Variants in MARCHF1 observed in about 807,000 individuals in gnomAD.
The protein encoded by MARCHF1 is E3 ubiquitin-protein ligase MARCHF1.
Under a neutral mutation model 54.2 loss-of-function variants are expected in MARCHF1, and 40 were observed. The ratio of observed to expected loss-of-function variants is 0.74; its 90% CI spans 0.57 to 0.96. MARCHF1 has a LOEUF of 0.96. Ranked by LOEUF, MARCHF1 falls within the 40% of genes least tolerant of loss-of-function variation. The probability of loss-of-function intolerance (pLI) is 0.00; values close to 1 mark genes in which losing one functional copy is unlikely to be tolerated. For missense variants in MARCHF1, 586 were observed against 656.5 expected, an observed-to-expected ratio of 0.89 and a Z score of 1.17; for synonymous variants, 236 against 236.3, an observed-to-expected ratio of 1.00 and a Z score of 0.01.
intron 3 of MARCHF1, among the ~76,000 whole-genome samples, chr4:163,968,331 G>A (rs1373348199): frequency 6.6e-6 from 1 of 151,972 alleles, no homozygotes; most frequent in Non-Finnish European, 1.5e-5. Context: ...ACATAGGCAG[G>A]GCAAAATACA....
intron 1 of MARCHF1, among the ~76,000 whole-genome samples, chr4:164,131,659 G>A (rs1756303728): frequency 6.6e-6 from 1 of 152,078 alleles, no homozygotes; most frequent in Non-Finnish European, 1.5e-5. Flanking sequence ...TTAAGGAGAA[G>A]AGCAAATCTT....
chr4:163,858,094 C>T (rs1045008366), intron 3 of MARCHF1, among the ~76,000 whole-genome samples: 2 of 3,884 alleles, frequency 5.1e-4, no homozygotes, highest in Non-Finnish European at 9.2e-4. Flanking sequence ...TGCACAACTC[C>T]GGGGGGTGGG....
chr4:163,556,994 C>T (rs1166388998), intron 8 of MARCHF1, among the ~76,000 whole-genome samples: 6 of 151,408 alleles, frequency 4.0e-5, no homozygotes, highest in Admixed American at 6.6e-5. Flanking sequence ...CCATGATTTT[C>T]AATGGATTCT....
At chr4:164,353,907 A>T in intron 1 of MARCHF1, among the ~76,000 whole-genome samples, 1 of 122,618 alleles carries the variant, frequency 8.2e-6, no homozygotes, top group South Asian at 3.0e-4. Flanking sequence ...TCAAATAGAC[A>T]CAATAAAAAA....
At chr4:163,566,160 C>A (rs1489998171) in intron 8 of MARCHF1, among the ~76,000 whole-genome samples, 1 of 152,276 alleles carries the variant, frequency 6.6e-6, no homozygotes, top group South Asian at 2.1e-4. Flanking sequence ...ATAAAGGATT[C>A]TTTTAAGGTA....
At position 163,524,794 on chromosome 4, in the gene MARCHF1, C is replaced by T. The variant is rs1395570713; in HGVS notation, c.*3954G>A. The T allele has an allele frequency of 6.6e-6, 1 of 152,084 alleles. No homozygotes were observed. The highest frequency in any genetic ancestry group is 1.5e-5 in the Non-Finnish European group (1 of 68,012). 9.4% of individuals were successfully genotyped at this position (152,084 alleles called of 1,614,324 possible). ...TTCTTTTTCTTAATTTGCTTTAGTA[C>T]ACATGATTCACAAAACAGTAAATTG... is the stretch of plus-strand genomic sequence containing the variant. On this transcript the variant is annotated 3_prime_UTR_variant, in exon 10 of 10. Transcript: ENST00000514618.
chr4:164,107,559 C>T (rs1475715333), intron 2 of MARCHF1, among the ~76,000 whole-genome samples: 2 of 152,062 alleles, frequency 1.3e-5, no homozygotes, highest in South Asian at 2.1e-4. Context: ...AACAGGGTTT[C>T]ACCATGTTGC....
chr4:164,189,585 G>T (rs973947020), intron 1 of MARCHF1: 3 of 942,640 alleles, frequency 3.2e-6, no homozygotes, highest in African/African-American at 1.6e-5. Context: ...AGGCTGGAGT[G>T]CTCTCTGGTG....
chr4:163,983,724 T>C (rs1205077866), intron 3 of MARCHF1, among the ~76,000 whole-genome samples: 3 of 152,274 alleles, frequency 2.0e-5, no homozygotes, highest in South Asian at 2.1e-4. Context: ...TTATTCTCTA[T>C]GGACTTCAAT....
chr4:163,901,554 T>C (rs575552866), intron 3 of MARCHF1, among the ~76,000 whole-genome samples: 5 of 152,188 alleles, frequency 3.3e-5, no homozygotes, highest in Non-Finnish European at 7.3e-5. Flanking sequence ...GGCAGCACAC[T>C]TACTGCACAC....
chr4:164,000,578 A>G (rs1332971437), intron 2 of MARCHF1, among the ~76,000 whole-genome samples: 2 of 151,714 alleles, frequency 1.3e-5, no homozygotes, highest in African/African-American at 4.8e-5. Context: ...TATTTGGGTT[A>G]GAACATTTGC....
At position 163,915,145 on chromosome 4, in the gene MARCHF1, G is replaced by A. The variant is rs907963644; in HGVS notation, c.-38-60976C>T. 2.6e-5 allele frequency among the ~76,000 whole-genome samples: 4 copies of A among 152,094 alleles called. No individual in the cohort carries two copies. In the East Asian group the frequency reaches 5.8e-4, roughly 22 times the overall value. On this transcript the variant is annotated intron_variant, in intron 3 of 9. Coordinates refer to ENST00000514618, the MANE Select transcript of MARCHF1 (RefSeq NM_001394959.1). ...CTTGCTCTTATGTAAAGATTTGAATGTGAGAAAGCAAGATTGGAAATGAGT... is the reference window on the plus strand; with the variant it reads ...CTTGCTCTTATGTAAAGATTTGAATATGAGAAAGCAAGATTGGAAATGAGT...
chr4:164,383,091 G>A (rs1397857656), intron 1 of MARCHF1: 3 of 152,168 alleles, frequency 2.0e-5, no homozygotes, highest in Non-Finnish European at 4.4e-5. Context: ...CACACCATTT[G>A]GGGATAAAAC....
intron 1 of MARCHF1, among the ~76,000 whole-genome samples, chr4:164,368,016 G>A (rs1297005169): frequency 2.1e-5 from 3 of 146,196 alleles, no homozygotes; most frequent in Non-Finnish European, 4.5e-5. Context: ...AAATGTTAAT[G>A]AGCTAAGAAT....
At chr4:163,875,906 T>G (rs1467762732) in intron 3 of MARCHF1, among the ~76,000 whole-genome samples, 2 of 152,006 alleles carry the variant, frequency 1.3e-5, no homozygotes, top group Non-Finnish European at 2.9e-5. Flanking sequence ...ATTGATACTT[T>G]TAAAATGGAA....
chr4:163,673,325 C>T (rs955587034), intron 5 of MARCHF1, among the ~76,000 whole-genome samples: 6 of 152,128 alleles, frequency 3.9e-5, no homozygotes, highest in South Asian at 2.1e-4. Context: ...AGGATGTTGA[C>T]GAGGATTTTA....
intron 1 of MARCHF1, among the ~76,000 whole-genome samples, chr4:164,150,675 A>G (rs544829780): frequency 9.9e-5 from 15 of 152,272 alleles, no homozygotes; most frequent in Admixed American, 3.9e-4. Flanking sequence ...CTAGACTTGG[A>G]CCATTTCAAC....
intron 4 of MARCHF1, among the ~76,000 whole-genome samples, chr4:163,787,590 T>G (rs553876838): frequency 4.6e-5 from 7 of 151,702 alleles, no homozygotes; most frequent in Non-Finnish European, 8.9e-5. Flanking sequence ...TTAGTAAGAA[T>G]GTGGAGAAAC....
chr4:163,919,065 A>C (rs1305162389), intron 3 of MARCHF1, among the ~76,000 whole-genome samples: 1 of 152,170 alleles, frequency 6.6e-6, no homozygotes, highest in Non-Finnish European at 1.5e-5. Flanking sequence ...AGTTTTATTT[A>C]TGAAACTATA....
Sources: gnomAD v4.1 joint callset for allele counts (sites outside exome capture counted in the v4.1 genomes callset) on GRCh38, gnomAD v4.1.1 for gene constraint, MANE v1.5 for transcripts, NCBI Gene and HGNC (gene_info 2026-07-23, HGNC 2026-07-21) for gene names.